EEF1B2: variants seen among roughly 807,000 people sequenced by gnomAD.
EEF1B2 encodes the protein eukaryotic translation elongation factor 1 beta 2.
A neutral mutation model predicts 28.3 loss-of-function variants in EEF1B2; 12 were observed. The observed-to-expected ratio is 0.42, with a 90% confidence interval of 0.27 to 0.69. The LOEUF (loss-of-function observed/expected upper bound fraction) is 0.69. Ranked by LOEUF, EEF1B2 falls within the 30% of genes least tolerant of loss-of-function variation. The pLI, the probability that EEF1B2 is intolerant of heterozygous loss-of-function variation, is 0.22. For missense variants in EEF1B2, 234 were observed against 272.6 expected (o/e 0.86, Z 1.00); for synonymous variants, 83 against 99.9 (o/e 0.83, Z 1.01).
upstream of EEF1B2, chr2:206,159,814 T>A (rs1687843467): frequency 1.5e-6 from 1 of 669,716 alleles, no homozygotes; most frequent in African/African-American, 1.9e-5. Context: ...GCAAAAGTAC[T>A]TTGACCTTTA....
chr2:206,160,196 C>G, intron 1 of EEF1B2, 137 bp downstream of exon 1: 1 of 1,164,672 alleles, frequency 8.6e-7, no homozygotes, highest in East Asian at 2.6e-5. Flanking sequence ...GGGAAAGCGC[C>G]CCGTTGCCGT....
intron 3 of EEF1B2, chr2:206,161,768 CAAA>C (rs34708881): frequency 1.2e-3 from 537 of 460,616 alleles, no homozygotes; most frequent in East Asian, 2.1e-3. Context: ...GACTCCGTCC[CAAA>C]AAAAAAAAAA....
intron 2 of EEF1B2, chr2:206,160,924 A>C: frequency 1.3e-6 from 1 of 792,980 alleles, no homozygotes; most frequent in Non-Finnish European, 2.1e-6. Flanking sequence ...TTTTCCCCAC[A>C]CTGCCCTGCC....
intron 3 of EEF1B2, 33 bp from the exon 4 acceptor site, chr2:206,162,005 T>G (rs1229338449): frequency 6.3e-7 from 1 of 1,598,796 alleles, no homozygotes; most frequent in Non-Finnish European, 8.6e-7. Flanking sequence ...AACAACCAGC[T>G]TTCTGAAGTG....
chr2:206,162,917 A>T lies in EEF1B2; in HGVS notation c.*34A>T. ...CTGGATCATGGCATTTAAATAAAAG[A>T]TTGAAAGATTACCTTTGGCTCTTGA... is the stretch of plus-strand genomic sequence containing the variant. On this transcript the variant is annotated 3_prime_UTR_variant, in exon 6 of 6. Coordinates refer to ENST00000392222, the MANE Select transcript of EEF1B2 (RefSeq NM_001959.4). The T allele has an allele frequency of 1.3e-6, 2 of 1,583,416 alleles. No individual in the cohort carries two copies. Among genetic ancestry groups the T allele is most frequent in the South Asian group, 2.3e-5 (2 of 88,384 alleles).
upstream of EEF1B2, chr2:206,159,826 C>T (rs914305574): frequency 2.6e-6 from 2 of 770,860 alleles, no homozygotes; most frequent in South Asian, 1.9e-5. Flanking sequence ...TGACCTTTAA[C>T]CTTCGGTCCG....
In EEF1B2 at chr2:206,162,484, T is replaced by C; in HGVS notation, c.398-5T>C. ...TATTTGAATAATGCTGTTTATTGTT[T>C]TTAGAACCTGCACTTGTTGCCAAGT... is the stretch of plus-strand genomic sequence containing the variant. On this transcript the variant is annotated splice_region_variant and splice_polypyrimidine_tract_variant and intron_variant, in intron 4 of 5. Coordinates refer to ENST00000392222, the MANE Select transcript of EEF1B2 (RefSeq NM_001959.4). The C allele has an allele frequency of 6.2e-7, 1 of 1,612,348 alleles. No homozygotes were observed. Among genetic ancestry groups the C allele is most frequent in the Non-Finnish European group, 8.5e-7 (1 of 1,179,722 alleles).
rs1209545374 is a variant in EEF1B2, at chr2:206,161,383, C to T, written c.241C>T (p.Pro81Ser). The T allele has an allele frequency of 1.2e-6, 2 of 1,614,032 alleles. No individual in the cohort carries two copies. The highest frequency in any genetic ancestry group is 1.1e-5 in the South Asian group (1 of 91,084). The change falls in exon 3 of 6, where the codon CCT (proline) becomes TCT (serine). Residue 81 changes from proline to serine, a missense_variant. By Grantham distance (74) the Pro-to-Ser change is moderately conservative (BLOSUM62 -1). Transcript: ENST00000392222. ...GAAGAAAGCTTTGGGCAAATATGGT[C>T]CTGCCGATGTGGAAGACACTACAGG... is the stretch of plus-strand genomic sequence containing the variant. ...GVKKALGKYG[P>S]ADVEDTTGSG...
At position 206,162,480 on chromosome 2, in the gene EEF1B2, T is replaced by C. The variant is rs1687962341; in HGVS notation, c.398-9T>C. On this transcript the variant is annotated splice_polypyrimidine_tract_variant and intron_variant, in intron 4 of 5. Coordinates refer to ENST00000392222, the MANE Select transcript of EEF1B2 (RefSeq NM_001959.4). ...TCATTATTTGAATAATGCTGTTTAT[T>C]GTTTTTAGAACCTGCACTTGTTGCC... 3 of 1,612,156 alleles carry C rather than the reference T, an allele frequency of 1.9e-6. No homozygotes were observed. Among genetic ancestry groups the C allele is most frequent in the Non-Finnish European group, 1.7e-6 (2 of 1,179,644 alleles).
intron 2 of EEF1B2, 182 bp downstream of exon 2, chr2:206,160,892 A>G: frequency 1.1e-6 from 1 of 936,006 alleles, no homozygotes; most frequent in Non-Finnish European, 1.7e-6. Flanking sequence ...AACAGGTAGA[A>G]CATGGACAGC....
At position 206,162,755 on chromosome 2, in the gene EEF1B2, A is replaced by G. The variant is rs752123768; in HGVS notation, c.550A>G (p.Ile184Val). The G allele has an allele frequency of 6.2e-7, 1 of 1,613,408 alleles. No individual in the cohort carries two copies. Residue 184 changes from isoleucine (I) to valine (V), a missense_variant, in exon 6 of 6, where the codon ATT (isoleucine) becomes GTT (valine). Around this residue, in one of 2 missense-constraint regions of EEF1B2, gnomAD observed 56 missense variants for 99.3 expected, o/e 0.56. Transcript: ENST00000392222. ...TAAACTAGTTCCAGTGGGATACGGA[A>G]TTAAGAAACTTCAAATACAGTGTGT... ...SSKLVPVGYG[I>V]KKLQIQCVVE...
intron 3 of EEF1B2, 108 bp downstream of exon 3, chr2:206,161,580 A>AG: frequency 2.1e-6 from 3 of 1,440,776 alleles, no homozygotes; most frequent in East Asian, 4.7e-5. Context: ...CAGGAGTTGA[A>AG]GACCAGCCTG....
rs745576823 is a variant in EEF1B2 at position 206,162,483 on chromosome 2, T to G, written c.398-6T>G. On this transcript the variant is annotated splice_region_variant and splice_polypyrimidine_tract_variant and intron_variant, in intron 4 of 5. Transcript: ENST00000392222. ...TTATTTGAATAATGCTGTTTATTGT[T>G]TTTAGAACCTGCACTTGTTGCCAAG... The G allele has an allele frequency of 6.2e-7, 1 of 1,612,226 alleles. No homozygotes were observed. The highest frequency in any genetic ancestry group is 8.5e-7 in the Non-Finnish European group (1 of 1,179,726).
intron 2 of EEF1B2, chr2:206,161,032 G>T: frequency 3.2e-6 from 2 of 620,580 alleles, no homozygotes; most frequent in South Asian, 3.2e-5. Context: ...GCCAACAAGG[G>T]TGGAAGTTTG....
intron 3 of EEF1B2, chr2:206,161,706 G>T: frequency 5.5e-6 from 3 of 541,546 alleles, no homozygotes; most frequent in Admixed American, 6.1e-5. Context: ...GGAAGCGGAG[G>T]TTGCAGTGAG....
At chr2:206,160,436 G>C in intron 1 of EEF1B2, 152 bp from the exon 2 acceptor site, 1 of 1,372,892 alleles carries the variant, frequency 7.3e-7, no homozygotes, top group Non-Finnish European at 9.8e-7. Flanking sequence ...CATATGGTTT[G>C]ATTTGAAGGA....
chr2:206,162,759 A>G lies in EEF1B2; in HGVS notation c.554A>G (p.Lys185Arg). 2.5e-6 allele frequency: 4 copies of G among 1,613,336 alleles called. No individual in the cohort carries two copies. In the South Asian group the frequency reaches 4.4e-5, roughly 18 times the overall value. The part of the protein sequence containing the change: ...SKLVPVGYGI[K>R]KLQIQCVVED... ...CTAGTTCCAGTGGGATACGGAATTA[A>G]GAAACTTCAAATACAGTGTGTAGTT... The change falls in exon 6 of 6, where the codon AAG becomes AGG. Residue 185 changes from lysine (K) to arginine (R), a missense_variant. Physicochemically the swap from Lys to Arg is conservative, Grantham distance 26 (BLOSUM62 2). This residue lies in a region of EEF1B2 where 56 missense variants were observed against 99.3 expected (regional missense o/e 0.56). Coordinates refer to ENST00000392222, the MANE Select transcript of EEF1B2 (RefSeq NM_001959.4).
chr2:206,160,494 C>T (rs2105784520), intron 1 of EEF1B2, 94 bp from the exon 2 acceptor site: 1 of 1,593,518 alleles, frequency 6.3e-7, no homozygotes, highest in Non-Finnish European at 8.6e-7. Flanking sequence ...GGGGTTAGTG[C>T]CCACTAATTA....
chr2:206,161,425 A>G lies in EEF1B2; in HGVS notation c.283A>G (p.Ser95Gly). 3 of 1,614,022 alleles carry G rather than the reference A, an allele frequency of 1.9e-6. No homozygotes were observed. Among genetic ancestry groups the G allele is most frequent in the Non-Finnish European group, 2.5e-6 (3 of 1,179,920 alleles). Reference protein sequence around the residue: ...EDTTGSGATDSKDDDDIDLFG... With the variant: ...EDTTGSGATDGKDDDDIDLFG... Reference sequence around the variant, plus strand: ...CACTACAGGAAGTGGAGCTACAGATAGTAAAGATGATGATGACATTGACCT... The same window carrying G: ...CACTACAGGAAGTGGAGCTACAGATGGTAAAGATGATGATGACATTGACCT... The change falls in exon 3 of 6, where the codon AGT (serine) becomes GGT (glycine). Residue 95 changes from serine (S) to glycine (G), a missense_variant. By Grantham distance (56) the Ser-to-Gly change is moderately conservative. Around this residue, in one of 2 missense-constraint regions of EEF1B2, gnomAD observed 178 missense variants for 173.3 expected, o/e 1.03. Coordinates refer to ENST00000392222, the MANE Select transcript of EEF1B2 (RefSeq NM_001959.4).
Sources: gnomAD v4.1 joint callset for allele counts on GRCh38, gnomAD v4.1.1 for gene constraint, gnomAD v4.1.1 regional missense constraint, MANE v1.5 for transcripts, NCBI Gene and HGNC (gene_info 2026-07-23, HGNC 2026-07-21) for gene names.